The following NRXN3 variants were observed in gnomAD, a reference collection of about 807,000 sequenced individuals.
NRXN3 encodes neurexin III.
Under a neutral mutation model 137.6 loss-of-function variants are expected in NRXN3, and 32 were observed. The observed-to-expected ratio is 0.23, with a 90% CI of 0.18 to 0.31. The LOEUF is 0.31. Ranked by LOEUF, NRXN3 falls within the 10% of genes least tolerant of loss-of-function variation. The probability of loss-of-function intolerance (pLI) is 1.00; values close to 1 mark genes in which losing one functional copy is unlikely to be tolerated. For missense variants in NRXN3, 1,574 were observed against 2,062.5 expected (o/e 0.76, Z 4.59); for synonymous variants, 798 against 784.5 (o/e 1.02, Z -0.29).
chr14:78,771,746 T>C (rs1248831954), intron 8 of NRXN3, among the ~76,000 whole-genome samples: 1 of 152,204 alleles, frequency 6.6e-6, no homozygotes, highest in African/African-American at 2.4e-5. Context: ...TTAGTTTGTC[T>C]GTAACACCCA....
At chr14:78,714,397 ACTT>A in intron 7 of NRXN3, among the ~76,000 whole-genome samples, 1 of 152,218 alleles carries the variant, frequency 6.6e-6, no homozygotes. Context: ...AGGTGAAGTC[ACTT>A]CTTCACGGTT....
intron 19 of NRXN3, among the ~76,000 whole-genome samples, chr14:79,710,355 A>AAAAAT (rs1159267511): frequency 1.3e-5 from 2 of 152,236 alleles, no homozygotes; most frequent in African/African-American, 4.8e-5. Flanking sequence ...TACTTTAAAA[A>AAAAAT]AAAATAATAA....
At chr14:79,213,931 A>G (rs2068090044) in intron 15 of NRXN3, among the ~76,000 whole-genome samples, 1 of 152,216 alleles carries the variant, frequency 6.6e-6, no homozygotes, top group Non-Finnish European at 1.5e-5. Context: ...ACTTGATTCT[A>G]AGAGATCAGT....
At chr14:78,947,110 G>A (rs544786361) in intron 10 of NRXN3, among the ~76,000 whole-genome samples, 5 of 152,110 alleles carry the variant, frequency 3.3e-5, no homozygotes, top group Non-Finnish European at 7.4e-5. Flanking sequence ...CTGGCCTCCT[G>A]GGTCTTGCAG....
chr14:79,855,119 CATG>C (rs1187341252), intron 20 of NRXN3, among the ~76,000 whole-genome samples: 2 of 152,066 alleles, frequency 1.3e-5, no homozygotes, highest in African/African-American at 4.8e-5. Context: ...ACCAAGAAAA[CATG>C]ATGATTTTCA....
intron 15 of NRXN3, among the ~76,000 whole-genome samples, chr14:79,159,261 T>G (rs780863007): frequency 2.0e-5 from 3 of 151,792 alleles, no homozygotes; most frequent in Non-Finnish European, 2.9e-5. Context: ...TTTAGAATCA[T>G]AGTGATGAAG....
intron 19 of NRXN3, among the ~76,000 whole-genome samples, chr14:79,745,866 T>A (rs2098978200): frequency 6.6e-6 from 1 of 152,122 alleles, no homozygotes; most frequent in Non-Finnish European, 1.5e-5. Flanking sequence ...TCTTTCTTCC[T>A]CATCACATGG....
At chr14:78,408,366 C>T (rs904623866) in intron 4 of NRXN3, among the ~76,000 whole-genome samples, 2 of 152,160 alleles carry the variant, frequency 1.3e-5, no homozygotes, top group African/African-American at 4.8e-5. Context: ...CTTCTGATCT[C>T]CAAAGCATAT....
At chr14:78,453,686 C>T (rs903771439) in intron 4 of NRXN3, among the ~76,000 whole-genome samples, 6 of 152,102 alleles carry the variant, frequency 3.9e-5, no homozygotes, top group Non-Finnish European at 7.3e-5. Context: ...TGTAGATGAT[C>T]GAGTTAACGT....
intron 15 of NRXN3, among the ~76,000 whole-genome samples, chr14:79,187,135 G>C (rs780250141): frequency 6.6e-6 from 1 of 152,176 alleles, no homozygotes; most frequent in Non-Finnish European, 1.5e-5. Flanking sequence ...GAGTACCCAA[G>C]TGTGATGCTT....
intron 18 of NRXN3, among the ~76,000 whole-genome samples, chr14:79,695,176 T>C (rs1216320211): frequency 3.3e-5 from 5 of 151,338 alleles, no homozygotes; most frequent in Admixed American, 2.0e-4. Context: ...TGAAGGAGAC[T>C]CATCATCTCT....
chr14:79,800,535 A>G (rs11628915), intron 19 of NRXN3, among the ~76,000 whole-genome samples: 20,006 of 152,226 alleles, frequency 0.13, 1,592 homozygotes, highest in Middle Eastern at 0.22. Flanking sequence ...TTGTGATTAT[A>G]GGAAAATACA....
At chr14:78,224,690 G>A (rs929577717) in intron 1 of NRXN3, among the ~76,000 whole-genome samples, 5 of 147,718 alleles carry the variant, frequency 3.4e-5, no homozygotes, top group Non-Finnish European at 7.5e-5. Context: ...GGACATTTGG[G>A]TTGGTTCCAA....
At chr14:78,606,369 T>C (rs575589396) in intron 4 of NRXN3, among the ~76,000 whole-genome samples, 32 of 152,198 alleles carry the variant, frequency 2.1e-4, no homozygotes, top group Non-Finnish European at 4.4e-4. Context: ...TGTGATTTCC[T>C]TGGCCTGGAA....
At chr14:78,205,891 T>C (rs1281304290) in intron 1 of NRXN3, among the ~76,000 whole-genome samples, 1 of 152,076 alleles carries the variant, frequency 6.6e-6, no homozygotes, top group African/African-American at 2.4e-5. Context: ...TGCAAGGAGA[T>C]AAGTGAGGAG....
chr14:78,559,415 A>G (rs1024920978), intron 4 of NRXN3, among the ~76,000 whole-genome samples: 1 of 152,162 alleles, frequency 6.6e-6, no homozygotes, highest in African/African-American at 2.4e-5. Flanking sequence ...ACATCTTTGC[A>G]TCTGTTCCTC....
In NRXN3 at chr14:79,866,130, G is replaced by C. The variant is rs1027376498; in HGVS notation, c.*4166G>C. The stretch of plus-strand genomic sequence containing the variant: ...TTTGTCTCTTGTATAAATCTATACA[G>C]GTCCAGTCTCTCTTTGCTCATATTC... On this transcript the variant is annotated 3_prime_UTR_variant, in exon 21 of 21. Transcript: ENST00000335750. 2.0e-5 allele frequency: 3 copies of C among 152,136 alleles called. No individual in the cohort carries two copies. The highest frequency in any genetic ancestry group is 1.3e-4 in the Admixed American group (2 of 15,270). The allele number at this position is 152,136 out of a possible 1,614,324, so 9.4% of individuals were successfully genotyped here.
At chr14:78,926,393 C>T (rs1395404760) in intron 10 of NRXN3, among the ~76,000 whole-genome samples, 1 of 150,992 alleles carries the variant, frequency 6.6e-6, no homozygotes, top group Non-Finnish European at 1.5e-5. Context: ...TATTTTTGGA[C>T]TGAAACTGTG....
At chr14:78,615,622 C>T (rs2152483872) in intron 4 of NRXN3, among the ~76,000 whole-genome samples, 1 of 151,276 alleles carries the variant, frequency 6.6e-6, no homozygotes, top group East Asian at 2.0e-4. Context: ...AAAACAACAA[C>T]AACAACAATA....
Sources: allele counts gnomAD v4.1 joint callset (sites outside exome capture counted in the v4.1 genomes callset), GRCh38; gene constraint gnomAD v4.1.1; transcripts MANE v1.5; gene names NCBI Gene and HGNC (gene_info 2026-07-23, HGNC 2026-07-21).